Variants in MARVELD2 observed in about 807,000 individuals in gnomAD.
MARVELD2 encodes the protein MARVEL domain-containing protein 2.
A neutral mutation model predicts 57.6 loss-of-function variants in MARVELD2; 49 were observed. The observed-to-expected ratio is 0.85, with a 90% CI of 0.68 to 1.08. The LOEUF is 1.08. MARVELD2 is among the 50% of genes least tolerant of loss of function. The pLI is 0.00. For missense variants in MARVELD2, 606 were observed against 701.1 expected (o/e 0.86, Z 1.53); for synonymous variants, 238 against 258.8 (o/e 0.92, Z 0.77).
At chr5:69,438,779 G>T (rs1230231862) in intron 5 of MARVELD2, among the ~76,000 whole-genome samples, 1 of 151,854 alleles carries the variant, frequency 6.6e-6, no homozygotes, top group Non-Finnish European at 1.5e-5. Flanking sequence ...CCAGCTACTC[G>T]GGAGGCTGAG....
chr5:69,436,602 A>G (rs1417684484), intron 5 of MARVELD2, among the ~76,000 whole-genome samples: 1 of 152,160 alleles, frequency 6.6e-6, no homozygotes, highest in Non-Finnish European at 1.5e-5. Flanking sequence ...GAGCAATGGA[A>G]TGGTGTTGGC....
At position 69,441,679 on chromosome 5, in the gene MARVELD2, T is replaced by C; in HGVS notation, c.*25T>C. 1.4e-6 allele frequency: 2 copies of C among 1,443,542 alleles called. No individual in the cohort carries two copies. Among genetic ancestry groups the C allele is most frequent in the Non-Finnish European group, 1.9e-6 (2 of 1,041,164 alleles). The allele number at this position is 1,443,542 out of a possible 1,614,324, so 89.4% of individuals were successfully genotyped here. On this transcript the variant is annotated 3_prime_UTR_variant, in exon 7 of 7. Transcript: ENST00000325631. ...ACGCTTATTTGAAACCACTTTATTT[T>C]TTTATTTTATTTTATTTTTTTGAGA...
chr5:69,428,283 C>T lies in MARVELD2; in HGVS notation c.1182+3647C>T, dbSNP rs945102961. ...TTTGGAAGCCAAGGTGGGTGGATCA[C>T]CAGAGGTCAGGAGTTTGAGACCAGC... On this transcript the variant is annotated intron_variant, in intron 3 of 6. Transcript: ENST00000325631. Among the ~76,000 whole-genome samples, 4 of 40,986 alleles carry T rather than the reference C, an allele frequency of 9.8e-5. 1 individual carries two copies. The highest frequency in any genetic ancestry group is 1.6e-4 in the Non-Finnish European group (3 of 19,256). 26.9% of individuals were successfully genotyped at this position (40,986 alleles called of 152,430 possible).
intron 5 of MARVELD2, among the ~76,000 whole-genome samples, 183 bp downstream of exon 5, chr5:69,433,276 C>G (rs879372036): frequency 6.6e-6 from 1 of 150,504 alleles, no homozygotes; most frequent in Non-Finnish European, 1.5e-5. Context: ...AATTCTCCTG[C>G]CTCAGCCTCC....
chr5:69,441,304 G>C (rs917030355), intron 6 of MARVELD2, among the ~76,000 whole-genome samples: 1 of 151,578 alleles, frequency 6.6e-6, no homozygotes. Flanking sequence ...AAAATGAAAG[G>C]TGTCTTAGCA....
intron 2 of MARVELD2, among the ~76,000 whole-genome samples, chr5:69,423,494 A>G (rs1319994497): frequency 6.6e-6 from 1 of 152,176 alleles, no homozygotes; most frequent in Non-Finnish European, 1.5e-5. Flanking sequence ...TCTGGGCTCA[A>G]GCAATCCTCC....
At chr5:69,426,173 CAAT>C (rs1327754835) in intron 3 of MARVELD2, among the ~76,000 whole-genome samples, 7 of 151,632 alleles carry the variant, frequency 4.6e-5, no homozygotes, top group African/African-American at 1.7e-4. Flanking sequence ...TGTGAGATTG[CAAT>C]AATAATAATT....
rs1767337659 is a variant in MARVELD2, at chr5:69,441,814, C to T, written c.*160C>T. 1.9e-6 allele frequency: 1 copy of T among 523,402 alleles called. No homozygotes were observed. The highest frequency in any genetic ancestry group is 1.9e-5 in the African/African-American group (1 of 51,966). 32.4% of individuals were successfully genotyped at this position (523,402 alleles called of 1,614,324 possible). A position where few individuals can be genotyped will look rare whatever the true frequency, so the allele number is the denominator to read the frequency against. ...TCTCCTGTTCAAGCAATTAGCCTCC[C>T]CAGTAGCTGGGATTACAGGCGTGCG... is the stretch of plus-strand genomic sequence containing the variant. On this transcript the variant is annotated 3_prime_UTR_variant, in exon 7 of 7. Coordinates refer to ENST00000325631, the MANE Select transcript of MARVELD2 (RefSeq NM_001038603.3).
intron 5 of MARVELD2, among the ~76,000 whole-genome samples, chr5:69,436,977 G>A (rs552342852): frequency 9.2e-5 from 14 of 152,048 alleles, no homozygotes; most frequent in Non-Finnish European, 1.8e-4. Context: ...AGTGGCTCAT[G>A]CCTGTAATCC....
intron 2 of MARVELD2, among the ~76,000 whole-genome samples, chr5:69,421,456 TA>T (rs1296525741): frequency 6.6e-6 from 1 of 152,190 alleles, no homozygotes; most frequent in Non-Finnish European, 1.5e-5. Context: ...CCACTTTTCC[TA>T]AGACTTCTTA....
chr5:69,432,854 T>G (rs933157856), intron 4 of MARVELD2, 68 bp from the exon 5 acceptor site: 14 of 1,580,876 alleles, frequency 8.9e-6, no homozygotes, highest in Non-Finnish European at 2.6e-6. Context: ...AGGAATAAGA[T>G]AAGCTGATTT....
chr5:69,433,175 TTTC>T, intron 5 of MARVELD2, 82 bp downstream of exon 5: 1 of 1,379,580 alleles, frequency 7.2e-7, no homozygotes, highest in South Asian at 1.2e-5. Flanking sequence ...TTTTTTTTTT[TTTC>T]TGTGAGACAG....
At chr5:69,426,373 C>T (rs867664921) in intron 3 of MARVELD2, among the ~76,000 whole-genome samples, 23 of 125,570 alleles carry the variant, frequency 1.8e-4, no homozygotes, top group South Asian at 5.1e-4. Context: ...CTTGCTCTGT[C>T]GCCCAGGCTG....
chr5:69,437,373 C>T (rs1317803405), intron 5 of MARVELD2, among the ~76,000 whole-genome samples: 1 of 105,552 alleles, frequency 9.5e-6, no homozygotes. Context: ...AAGAGCGAAA[C>T]TCTGTCTTAA....
chr5:69,416,580 G>T (rs1437261871), intron 1 of MARVELD2, among the ~76,000 whole-genome samples: 1 of 152,190 alleles, frequency 6.6e-6, no homozygotes, highest in Non-Finnish European at 1.5e-5. Context: ...TCAGATGTCT[G>T]GGGTTTACTT....
chr5:69,441,381 A>T, intron 6 of MARVELD2, 151 bp from the exon 7 acceptor site: 1 of 837,646 alleles, frequency 1.2e-6, no homozygotes, highest in South Asian at 1.8e-5. Flanking sequence ...ACATTTAAAA[A>T]ATATGTAGAG....
intron 2 of MARVELD2, among the ~76,000 whole-genome samples, chr5:69,421,940 T>C (rs1766642853): frequency 6.6e-6 from 1 of 152,116 alleles, no homozygotes; most frequent in African/African-American, 2.4e-5. Context: ...GGACATTTAT[T>C]AATTCCCCAA....
chr5:69,432,917 C>G lies in MARVELD2; in HGVS notation c.1332-5C>G, dbSNP rs750052502. 6.2e-7 allele frequency: 1 copy of G among 1,614,120 alleles called. No individual in the cohort carries two copies. Among genetic ancestry groups the G allele is most frequent in the East Asian group, 2.2e-5 (1 of 44,886 alleles). On this transcript the variant is annotated splice_polypyrimidine_tract_variant and splice_region_variant and intron_variant, in intron 4 of 6. Transcript: ENST00000325631. ...TTATATCTTTGGCTTATGTTTTTCCCCTAGAAAATACCCTGTGATTCAGAC... is the reference window on the plus strand; with the variant it reads ...TTATATCTTTGGCTTATGTTTTTCCGCTAGAAAATACCCTGTGATTCAGAC...
At chr5:69,417,097 C>A (rs940987890) in intron 1 of MARVELD2, among the ~76,000 whole-genome samples, 1 of 152,214 alleles carries the variant, frequency 6.6e-6, no homozygotes, top group Non-Finnish European at 1.5e-5. Context: ...ACATACCAGG[C>A]ACTCCTGCTT....
Sources: gnomAD v4.1 joint callset for allele counts (sites outside exome capture counted in the v4.1 genomes callset) on GRCh38, gnomAD v4.1.1 for gene constraint, MANE v1.5 for transcripts, NCBI Gene and HGNC (gene_info 2026-07-23, HGNC 2026-07-21) for gene names.